Variants in HTT observed in about 807,000 individuals in gnomAD.
The protein encoded by HTT is huntingtin.
HTT carries 104 observed loss-of-function variants against 362.3 expected under a neutral mutation model. The ratio of observed to expected loss-of-function variants is 0.29; its 90% CI spans 0.24 to 0.34. The LOEUF (loss-of-function observed/expected upper bound fraction) is 0.34, where lower values mean the gene tolerates loss of function less well. HTT is among the 10% of genes least tolerant of loss of function. The pLI is 1.00. For synonymous variants in HTT, 1,577 were observed against 1,548.7 expected (o/e 1.02, Z -0.43); for missense variants, 3,301 against 3,928.6 (o/e 0.84, Z 4.27).
At chr4:3,167,139 T>G (rs1717756404) in intron 29 of HTT, among the ~76,000 whole-genome samples, 1 of 152,228 alleles carries the variant, frequency 6.6e-6, no homozygotes, top group Non-Finnish European at 1.5e-5. Context: ...CGGCACAATC[T>G]CGGCCCACTG....
chr4:3,191,461 C>T (rs1418251111), intron 40 of HTT, among the ~76,000 whole-genome samples: 8 of 152,102 alleles, frequency 5.3e-5, no homozygotes, highest in South Asian at 2.1e-4. Context: ...TGTGAGCCAC[C>T]GCACCCGGCC....
chr4:3,089,008 A>G (rs1308432106), intron 2 of HTT, among the ~76,000 whole-genome samples: 1 of 152,242 alleles, frequency 6.6e-6, no homozygotes, highest in Non-Finnish European at 1.5e-5. Context: ...TGATAAAAGT[A>G]GGAAAAAAAA....
chr4:3,132,016 T>C (rs907759397), intron 16 of HTT, among the ~76,000 whole-genome samples: 2 of 152,182 alleles, frequency 1.3e-5, no homozygotes, highest in African/African-American at 4.8e-5. Flanking sequence ...CCAACATATA[T>C]ACACATCGGA....
intron 19 of HTT, among the ~76,000 whole-genome samples, chr4:3,134,802 T>C (rs922011107): frequency 6.6e-6 from 1 of 152,286 alleles, no homozygotes; most frequent in East Asian, 1.9e-4. Context: ...CAATCATAGC[T>C]CACTGAAGCT....
intron 29 of HTT, among the ~76,000 whole-genome samples, chr4:3,167,953 AT>A (rs1444292823): frequency 6.6e-6 from 1 of 152,158 alleles, no homozygotes; most frequent in East Asian, 1.9e-4. Context: ...ACAGAGGCCC[AT>A]TTTAGCTTTC....
chr4:3,202,551 C>T (rs1036441176), intron 41 of HTT, among the ~76,000 whole-genome samples: 3 of 152,172 alleles, frequency 2.0e-5, no homozygotes, highest in Non-Finnish European at 2.9e-5. Context: ...ACTTTTCTAT[C>T]AACTGTAGTC....
At position 3,123,029 on chromosome 4, in the gene HTT, G is replaced by A. The variant is rs1339093180; in HGVS notation, c.1321+93G>A. 5 of 953,880 alleles carry A rather than the reference G, an allele frequency of 5.2e-6. No individual in the cohort carries two copies. The African/African-American group carries it at 6.5e-5, about 12-fold the overall frequency. The allele number at this position is 953,880 out of a possible 1,614,324, so 59.1% of individuals were successfully genotyped here. ...TGTATCTTGTATTTCTTGTAATACTGTATTGGACTCTGTGTATATCTCTTC... is the reference window on the plus strand; with the variant it reads ...TGTATCTTGTATTTCTTGTAATACTATATTGGACTCTGTGTATATCTCTTC... On this transcript the variant is annotated intron_variant, in intron 10 of 66. Transcript: ENST00000355072.
chr4:3,187,313 G>A (rs1043552047), intron 38 of HTT, among the ~76,000 whole-genome samples: 5 of 151,350 alleles, frequency 3.3e-5, no homozygotes, highest in Admixed American at 6.6e-5. Flanking sequence ...GTGCCACTGT[G>A]CCCGGCTAAT....
At chr4:3,186,978 C>T (rs1718793308) in intron 38 of HTT, among the ~76,000 whole-genome samples, 1 of 151,620 alleles carries the variant, frequency 6.6e-6, no homozygotes, top group African/African-American at 2.4e-5. Context: ...CCTGCCTCAG[C>T]CTCCCGAGTT....
At chr4:3,204,293 G>C in intron 42 of HTT, 145 bp downstream of exon 42, 1 of 738,882 alleles carries the variant, frequency 1.4e-6, no homozygotes, top group East Asian at 2.5e-5. Flanking sequence ...TAGAATGAAT[G>C]TTTACTTCTG....
intron 10 of HTT, 92 bp downstream of exon 10, chr4:3,123,028 T>C (rs1715362461): frequency 1.0e-6 from 1 of 954,506 alleles, no homozygotes; most frequent in Non-Finnish European, 1.6e-6. Flanking sequence ...CTTGTAATAC[T>C]GTATTGGACT....
Position 3,223,572 on chromosome 4 carries a change from T to A in HTT, c.7625+12T>A. On this transcript the variant is annotated intron_variant, in intron 55 of 66. Transcript: ENST00000355072. ...GCTCTCGACACCAGGTTTGCTTGAG[T>A]TCCCACGTGTCTCTGGGACATAGCA... 1 of 1,596,114 alleles carries A rather than the reference T, an allele frequency of 6.3e-7. No homozygotes were observed. The highest frequency in any genetic ancestry group is 8.6e-7 in the Non-Finnish European group (1 of 1,169,266).
At position 3,135,975 on chromosome 4, in the gene HTT, G is replaced by A; in HGVS notation, c.2697+8G>A. On this transcript the variant is annotated splice_region_variant and intron_variant, in intron 20 of 66. Coordinates refer to ENST00000355072, the MANE Select transcript of HTT (RefSeq NM_001388492.1). Reference sequence around the variant, plus strand: ...GCTCATCATTATACAGGGGTAAGCGGTTTATTTTTGTGAGATGCTGTTTTA... The same window carrying A: ...GCTCATCATTATACAGGGGTAAGCGATTTATTTTTGTGAGATGCTGTTTTA... 1 of 1,578,494 alleles carries A rather than the reference G, an allele frequency of 6.3e-7. No individual in the cohort carries two copies. Among genetic ancestry groups the A allele is most frequent in the Non-Finnish European group, 8.6e-7 (1 of 1,165,140 alleles).
Position 3,218,469 on chromosome 4 carries a change from C to T in HTT, c.7242+517C>T, listed in dbSNP as rs1023998465. ...CCAACATGGTGAAACCCCATCTCTA[C>T]TAAAAATATAAAAATTAGCCAGGTG... On this transcript the variant is annotated intron_variant, in intron 52 of 66. Coordinates refer to ENST00000355072, the MANE Select transcript of HTT (RefSeq NM_001388492.1). This position sits in a 1 kb window ranked among gnomAD's most constrained non-coding sequence, Gnocchi z 4.4. 6.6e-6 allele frequency among the ~76,000 whole-genome samples: 1 copy of T among 152,088 alleles called. No individual in the cohort carries two copies. The highest frequency in any genetic ancestry group is 2.4e-5 in the African/African-American group (1 of 41,406).
Position 3,175,019 on chromosome 4 carries a change from CAT to C in HTT, c.4320_4321del (p.Val1442AlafsTer19). The C allele has an allele frequency of 1.2e-6, 2 of 1,612,658 alleles. No individual in the cohort carries two copies. The highest frequency in any genetic ancestry group is 1.7e-6 in the Non-Finnish European group (2 of 1,178,630). ...GCTTTAAAACAGTACACGACTACAA[CAT>C]GTGTGCAGTTACAGAAGCAGGTTTT... On this transcript the variant is annotated frameshift_variant, in exon 33 of 67. Transcript: ENST00000355072. LOFTEE classifies it high-confidence loss of function.
At chr4:3,194,563 G>C in intron 40 of HTT, among the ~76,000 whole-genome samples, 1 of 152,186 alleles carries the variant, frequency 6.6e-6, no homozygotes. Flanking sequence ...GATTTTCAAG[G>C]ACACATCTTG....
rs188758562 is a variant in HTT at position 3,096,034 on chromosome 4, A to G, written c.348-3240A>G. 1.5e-3 allele frequency among the ~76,000 whole-genome samples: 226 copies of G among 152,372 alleles called. 1 individual carries two copies. Among genetic ancestry groups the G allele is most frequent in the African/African-American group, 5.2e-3 (215 of 41,582 alleles). On this transcript the variant is annotated intron_variant, in intron 2 of 66. Coordinates refer to ENST00000355072, the MANE Select transcript of HTT (RefSeq NM_001388492.1). ...ATAACCTACAGGTAACAGAACGGAA[A>G]GAAGTTCACTGTGCTTACAAGAATT...
intron 31 of HTT, among the ~76,000 whole-genome samples, chr4:3,174,365 C>A (rs764473118): frequency 6.6e-6 from 1 of 152,200 alleles, no homozygotes; most frequent in African/African-American, 2.4e-5. Flanking sequence ...CCAAAAAAAT[C>A]ATGTAATTTC....
At chr4:3,183,307 C>G (rs996147098) in intron 37 of HTT, among the ~76,000 whole-genome samples, 3 of 152,204 alleles carry the variant, frequency 2.0e-5, no homozygotes, top group Non-Finnish European at 4.4e-5. Flanking sequence ...AGGCACAGGC[C>G]ACTGTGCCCC....
Sources: allele counts gnomAD v4.1 joint callset (sites outside exome capture counted in the v4.1 genomes callset), GRCh38; gene constraint gnomAD v4.1.1; non-coding constraint Gnocchi (gnomAD v3.1); transcripts MANE v1.5; gene names NCBI Gene and HGNC (gene_info 2026-07-23, HGNC 2026-07-21).